Variants in DCDC2 observed in about 807,000 individuals in gnomAD.
DCDC2 encodes doublecortin domain containing 2, also known as doublecortin domain-containing protein 2.
DCDC2 carries 40 observed loss-of-function variants against 50.2 expected under a neutral mutation model. The ratio of observed to expected loss-of-function variants is 0.80; its 90% CI spans 0.62 to 1.04. The LOEUF (loss-of-function observed/expected upper bound fraction) is 1.04, where lower values mean the gene tolerates loss of function less well. Among genes scored for constraint, DCDC2 ranks in the 50% least tolerant of loss-of-function variants. The pLI is 0.00. For missense variants in DCDC2, 570 were observed against 581.9 expected (o/e 0.98, Z 0.21); for synonymous variants, 234 against 210.6 (o/e 1.11, Z -0.96).
At chr6:24,350,028 A>G (rs1041038273) in intron 2 of DCDC2, among the ~76,000 whole-genome samples, 3 of 152,114 alleles carry the variant, frequency 2.0e-5, no homozygotes, top group Non-Finnish European at 4.4e-5. Context: ...GTGTTCACCA[A>G]ATAGGACCCT....
At chr6:24,208,912 A>G (rs1469450531) in intron 7 of DCDC2, among the ~76,000 whole-genome samples, 2 of 152,240 alleles carry the variant, frequency 1.3e-5, no homozygotes, top group Non-Finnish European at 2.9e-5. Context: ...ATTGTCTGCA[A>G]GTATTATTTG....
chr6:24,256,026 A>G (rs556587805), intron 7 of DCDC2, among the ~76,000 whole-genome samples: 43 of 152,336 alleles, frequency 2.8e-4, no homozygotes, highest in African/African-American at 9.6e-4. Context: ...AGTAGGATAC[A>G]GTCATACATG....
At chr6:24,285,441 A>G (rs1294123923) in intron 6 of DCDC2, among the ~76,000 whole-genome samples, 2 of 152,014 alleles carry the variant, frequency 1.3e-5, no homozygotes, top group South Asian at 2.1e-4. Context: ...TTTATACTTC[A>G]TAAGTATCCA....
At chr6:24,371,398 AT>A in the DCDC2 span, among the ~76,000 whole-genome samples, 1 of 152,200 alleles carries the variant, frequency 6.6e-6, no homozygotes, top group Non-Finnish European at 1.5e-5. Flanking sequence ...GAGCTCAGGA[AT>A]TCAAGAGCAG....
At chr6:24,265,952 T>C (rs999892240) in intron 7 of DCDC2, among the ~76,000 whole-genome samples, 1 of 148,828 alleles carries the variant, frequency 6.7e-6, no homozygotes, top group Non-Finnish European at 1.5e-5. Context: ...AAATAAATAG[T>C]GGAAAAAAAA....
intron 2 of DCDC2, among the ~76,000 whole-genome samples, chr6:24,334,402 G>C (rs74885679): frequency 0.015 from 2,312 of 152,274 alleles, 22 homozygotes; most frequent in African/African-American, 0.037. Flanking sequence ...ACTCAGAGCA[G>C]AGGTTGGCAA....
chr6:24,308,277 T>A (rs1759510171), intron 2 of DCDC2, among the ~76,000 whole-genome samples: 1 of 152,204 alleles, frequency 6.6e-6, no homozygotes, highest in South Asian at 2.1e-4. Context: ...TCACCAATAT[T>A]AACTCCCAAG....
chr6:24,181,227 G>A (rs948631696), intron 8 of DCDC2, among the ~76,000 whole-genome samples: 1 of 152,162 alleles, frequency 6.6e-6, no homozygotes, highest in Non-Finnish European at 1.5e-5. Flanking sequence ...GGTGCTAAAA[G>A]GCAAAAGATT....
rs114314002 is a variant in DCDC2, at chr6:24,288,258, G to A, written c.759+594C>T. On this transcript the variant is annotated intron_variant, in intron 6 of 9. Transcript: ENST00000378454. ...GGAAGAACTGCCAAGGCAACGCTCT[G>A]GCATGACATGGAGCTCACCCCATCA... 3.8e-3 allele frequency among the ~76,000 whole-genome samples: 580 copies of A among 152,298 alleles called. 2 individuals are homozygous for A. The highest frequency in any genetic ancestry group is 5.2e-3 in the Non-Finnish European group (351 of 68,024).
At chr6:24,379,555 G>T in the DCDC2 span, among the ~76,000 whole-genome samples, 1 of 152,238 alleles carries the variant, frequency 6.6e-6, no homozygotes, top group Non-Finnish European at 1.5e-5. Context: ...TGCTGGAGAG[G>T]ATGTGGAGAA....
chr6:24,232,004 T>TACACAC (rs57865332), intron 7 of DCDC2, among the ~76,000 whole-genome samples: 20 of 148,516 alleles, frequency 1.3e-4, no homozygotes, highest in East Asian at 9.9e-4. Context: ...CATATATATA[T>TACACAC]ACACACACAC....
intron 7 of DCDC2, among the ~76,000 whole-genome samples, chr6:24,247,694 A>G (rs72830837): frequency 0.049 from 7,531 of 152,294 alleles, 238 homozygotes; most frequent in Non-Finnish European, 0.074. Context: ...TTGAAAGGGG[A>G]GCAGTTTGGA....
In DCDC2 at chr6:24,246,488, T is replaced by C. The variant is rs931069387; in HGVS notation, c.922+31561A>G. 2.7e-3 allele frequency among the ~76,000 whole-genome samples: 339 copies of C among 126,194 alleles called. 2 individuals carry two copies. The highest frequency in any genetic ancestry group is 9.5e-3 in the African/African-American group (322 of 33,924). The allele number at this position is 126,194 out of a possible 152,430, so 82.8% of individuals were successfully genotyped here. ...AAGTCTTTTTCTTTTTCTTTTTTTT[T>C]TTTTTTTTTTTTTTTTGAGATGGAG... On this transcript the variant is annotated intron_variant, in intron 7 of 9. Transcript: ENST00000378454.
intron 4 of DCDC2, 99 bp from the exon 5 acceptor site, chr6:24,291,177 A>G: frequency 8.3e-7 from 1 of 1,206,736 alleles, no homozygotes; most frequent in Non-Finnish European, 1.2e-6. Context: ...AATTAAAATT[A>G]CATAGTAAAT....
intron 2 of DCDC2, among the ~76,000 whole-genome samples, chr6:24,304,673 T>C (rs1463737111): frequency 6.6e-6 from 1 of 152,234 alleles, no homozygotes; most frequent in African/African-American, 2.4e-5. Context: ...TTATCTTATG[T>C]ACATAGCACA....
intron 2 of DCDC2, among the ~76,000 whole-genome samples, chr6:24,346,882 G>T (rs1242256095): frequency 1.3e-5 from 2 of 152,118 alleles, no homozygotes; most frequent in Non-Finnish European, 2.9e-5. Flanking sequence ...GAGAACAAGA[G>T]AATCCATAAC....
chr6:24,180,194 T>C (rs1335306657), intron 8 of DCDC2, among the ~76,000 whole-genome samples: 2 of 152,150 alleles, frequency 1.3e-5, no homozygotes, highest in Admixed American at 6.5e-5. Flanking sequence ...CTAAAAAACA[T>C]GGAAATCCCT....
intron 4 of DCDC2, among the ~76,000 whole-genome samples, chr6:24,293,855 A>G (rs1337080317): frequency 6.6e-6 from 1 of 152,258 alleles, no homozygotes; most frequent in African/African-American, 2.4e-5. Flanking sequence ...CACAATAAAA[A>G]TAGAAACCAA....
chr6:24,301,789 T>C lies in DCDC2; in HGVS notation c.483A>G (p.Lys161=). Residue 161 remains lysine (K), a synonymous_variant, in exon 4 of 10, where the codon AAA becomes AAG. Coordinates refer to ENST00000378454, the MANE Select transcript of DCDC2 (RefSeq NM_016356.5). ...GTACATGATCCCACTGATTCAAGGTTTTTCTGGGGATAAGGAGGCGAGAAG... is the reference window on the plus strand; with the variant it reads ...GTACATGATCCCACTGATTCAAGGTCTTTCTGGGGATAAGGAGGCGAGAAG... ...NPASRLLIPR[K]TLNQWDHVLQ... The C allele has an allele frequency of 3.1e-6, 5 of 1,614,148 alleles. No individual in the cohort carries two copies. The highest frequency in any genetic ancestry group is 4.2e-6 in the Non-Finnish European group (5 of 1,180,024).
Sources: gnomAD v4.1 joint callset for allele counts (sites outside exome capture counted in the v4.1 genomes callset) on GRCh38, gnomAD v4.1.1 for gene constraint, MANE v1.5 for transcripts, NCBI Gene and HGNC (gene_info 2026-07-23, HGNC 2026-07-21) for gene names.